The following RERE variants were observed in gnomAD, a reference collection of about 807,000 sequenced individuals.
The protein encoded by RERE is arginine-glutamic acid dipeptide repeats protein.
In RERE, 40 loss-of-function variants were observed where a neutral mutation model predicts 146.1. The observed-to-expected ratio is 0.27, with a 90% CI of 0.21 to 0.36. RERE has a LOEUF of 0.36. Ranked by LOEUF, RERE falls within the 10% of genes least tolerant of loss-of-function variation. The pLI is 1.00. For synonymous variants in RERE, 1,003 were observed against 866.0 expected (o/e 1.16, Z -2.78); for missense variants, 1,933 against 2,138.7 (o/e 0.90, Z 1.90).
At chr1:8,605,547 G>A (rs1055602963) in intron 4 of RERE, among the ~76,000 whole-genome samples, 7 of 151,868 alleles carry the variant, frequency 4.6e-5, no homozygotes, top group Non-Finnish European at 1.0e-4. Context: ...TCAGGACTTC[G>A]AGACCACCCT....
chr1:8,530,687 T>C (rs926569367), intron 7 of RERE, among the ~76,000 whole-genome samples: 3 of 136,728 alleles, frequency 2.2e-5, no homozygotes, highest in Non-Finnish European at 3.2e-5. Flanking sequence ...TTCTTTTTTT[T>C]TTTTTTTTTT....
At chr1:8,374,889 T>TCTGTCCC (rs1339700169) in intron 12 of RERE, among the ~76,000 whole-genome samples, 1 of 152,126 alleles carries the variant, frequency 6.6e-6, no homozygotes, top group East Asian at 1.9e-4. Flanking sequence ...CACCTCCTCC[T>TCTGTCCC]CTGTCCAGGC....
At chr1:8,478,549 T>G (rs1003035124) in intron 10 of RERE, among the ~76,000 whole-genome samples, 4 of 152,088 alleles carry the variant, frequency 2.6e-5, no homozygotes, top group African/African-American at 9.7e-5. Context: ...TCATTACCTA[T>G]GAACCCCAGA....
chr1:8,754,010 C>G (rs999883514), intron 1 of RERE, among the ~76,000 whole-genome samples: 1 of 152,112 alleles, frequency 6.6e-6, no homozygotes, highest in African/African-American at 2.4e-5. Flanking sequence ...ATCATATACC[C>G]CTAATTCTGG....
intron 7 of RERE, among the ~76,000 whole-genome samples, chr1:8,517,091 G>A (rs1027492392): frequency 6.6e-6 from 1 of 152,170 alleles, no homozygotes; most frequent in African/African-American, 2.4e-5. Flanking sequence ...ATCTACTAAT[G>A]CCAGTTTCCT....
At chr1:8,362,120 T>C (rs951410967) in intron 16 of RERE, among the ~76,000 whole-genome samples, 2 of 152,136 alleles carry the variant, frequency 1.3e-5, no homozygotes, top group African/African-American at 2.4e-5. Flanking sequence ...GGACTGAAAA[T>C]GTAGGCAGGA....
chr1:8,470,636 G>C (rs1644670609), intron 10 of RERE, among the ~76,000 whole-genome samples: 1 of 151,832 alleles, frequency 6.6e-6, no homozygotes, highest in Admixed American at 6.6e-5. Flanking sequence ...TCAAAACTTG[G>C]TCAACTGGCT....
intron 8 of RERE, among the ~76,000 whole-genome samples, chr1:8,505,433 T>C (rs1194205565): frequency 6.6e-6 from 1 of 151,968 alleles, no homozygotes; most frequent in Non-Finnish European, 1.5e-5. Flanking sequence ...ATGAAATGGG[T>C]TTGACTAGGA....
chr1:8,535,660 T>A (rs1213304164), intron 7 of RERE, among the ~76,000 whole-genome samples: 3 of 152,206 alleles, frequency 2.0e-5, no homozygotes, highest in African/African-American at 7.2e-5. Context: ...AGAGAGAAAG[T>A]ATAGTCCCTG....
At chr1:8,791,794 T>TA (rs1256304923) in intron 1 of RERE, among the ~76,000 whole-genome samples, 1 of 152,146 alleles carries the variant, frequency 6.6e-6, no homozygotes, top group Admixed American at 6.5e-5. Flanking sequence ...CAGTAGACAT[T>TA]AGTTTCAAAC....
At chr1:8,471,376 G>C (rs143270045) in intron 10 of RERE, among the ~76,000 whole-genome samples, 249 of 152,084 alleles carry the variant, frequency 1.6e-3, no homozygotes, top group Non-Finnish European at 2.9e-3. Flanking sequence ...GCAGTGGCAC[G>C]ATCATGGCTC....
intron 7 of RERE, among the ~76,000 whole-genome samples, chr1:8,531,269 C>A (rs1645649978): frequency 6.6e-6 from 1 of 151,874 alleles, no homozygotes; most frequent in Non-Finnish European, 1.5e-5. Flanking sequence ...GGGGTGAAAC[C>A]CAGCTTCTAC....
intron 1 of RERE, among the ~76,000 whole-genome samples, chr1:8,679,047 A>C (rs1424249609): frequency 6.6e-6 from 1 of 152,242 alleles, no homozygotes; most frequent in Non-Finnish European, 1.5e-5. Context: ...TGTGGCTAGC[A>C]GCTACCACAC....
intron 1 of RERE, among the ~76,000 whole-genome samples, chr1:8,700,324 A>G (rs1347079968): frequency 1.3e-5 from 2 of 152,130 alleles, no homozygotes; most frequent in South Asian, 2.1e-4. Flanking sequence ...AAAAATAAAA[A>G]TAAATGCAGT....
chr1:8,442,381 C>T (rs1472427896), intron 11 of RERE, among the ~76,000 whole-genome samples: 1 of 138,286 alleles, frequency 7.2e-6, no homozygotes, highest in East Asian at 2.1e-4. Flanking sequence ...AGCAAGACTC[C>T]ATCTTAAAAA....
At chr1:8,764,529 T>C (rs1640813728) in intron 1 of RERE, among the ~76,000 whole-genome samples, 1 of 152,206 alleles carries the variant, frequency 6.6e-6, no homozygotes, top group Non-Finnish European at 1.5e-5. Flanking sequence ...AAAGGAAGTC[T>C]AGATAAACAA....
chr1:8,649,363 T>C (rs1318447504), intron 2 of RERE, among the ~76,000 whole-genome samples: 1 of 152,230 alleles, frequency 6.6e-6, no homozygotes, highest in East Asian at 1.9e-4. Flanking sequence ...AGAAGTCTTA[T>C]TCTAATTTTA....
Position 8,508,707 on chromosome 1 carries a change from G to A in RERE, c.831-32C>T, listed in dbSNP as rs368652653. On this transcript the variant is annotated intron_variant, in intron 7 of 22. Coordinates refer to ENST00000400908, the MANE Select transcript of RERE (RefSeq NM_001042681.2). ...CAGAAATAGAGCAGATTAAGTTAGC[G>A]CAATACAGTTTTGACATAAACATTC... 219 of 1,560,854 alleles carry A rather than the reference G, an allele frequency of 1.4e-4. 1 individual carries two copies. Among genetic ancestry groups the A allele is most frequent in the South Asian group, 1.8e-4 (16 of 86,544 alleles).
At chr1:8,576,563 T>C (rs1646297583) in intron 4 of RERE, among the ~76,000 whole-genome samples, 1 of 152,204 alleles carries the variant, frequency 6.6e-6, no homozygotes, top group East Asian at 1.9e-4. Flanking sequence ...AAAATTAAGT[T>C]GTATCTATAC....
Sources: gnomAD v4.1 joint callset for allele counts (sites outside exome capture counted in the v4.1 genomes callset) on GRCh38, gnomAD v4.1.1 for gene constraint, MANE v1.5 for transcripts, NCBI Gene and HGNC (gene_info 2026-07-23, HGNC 2026-07-21) for gene names.